Variants in ME3 observed in about 807,000 individuals in gnomAD.
The protein encoded by ME3 is malic enzyme 3.
ME3 carries 48 observed loss-of-function variants against 68.9 expected under a neutral mutation model. That is an observed-to-expected ratio of 0.70 (90% CI 0.55 to 0.89). The LOEUF (loss-of-function observed/expected upper bound fraction) is 0.89. ME3 is among the 40% of genes least tolerant of loss of function. ME3 has a pLI of 0.00. For synonymous variants in ME3, 320 were observed against 318.8 expected (o/e 1.00, Z -0.04); for missense variants, 675 against 797.4 (o/e 0.85, Z 1.85).
chr11:86,622,535 A>G (rs910853236), intron 2 of ME3, among the ~76,000 whole-genome samples: 2 of 152,002 alleles, frequency 1.3e-5, no homozygotes, highest in African/African-American at 4.8e-5. Flanking sequence ...TATTTTTATC[A>G]AGAGCTCAGA....
chr11:86,574,505 T>G lies in ME3; in HGVS notation c.184-14682A>C, dbSNP rs1313783652. ...TGAGGCCCCTCTTCTGCAGGTCTAC[T>G]GCAGTTTGCTGGAGATCCACTCCAA... On this transcript the variant is annotated intron_variant, in intron 2 of 14. Coordinates refer to ENST00000543262, the Ensembl canonical transcript of ME3. 5.3e-5 allele frequency among the ~76,000 whole-genome samples: 8 copies of G among 152,080 alleles called. No homozygotes were observed. In the South Asian group the frequency reaches 1.3e-3, roughly 24 times the overall value.
At chr11:86,570,721 T>C (rs1043109232) in intron 2 of ME3, among the ~76,000 whole-genome samples, 8 of 152,314 alleles carry the variant, frequency 5.3e-5, no homozygotes, top group Non-Finnish European at 1.2e-4. Flanking sequence ...ATCTCAAAGA[T>C]TGGGCTCTGG....
chr11:86,610,044 G>C (rs184581278), intron 2 of ME3, among the ~76,000 whole-genome samples: 16 of 152,260 alleles, frequency 1.1e-4, no homozygotes, highest in Non-Finnish European at 1.3e-4. Context: ...GTTGAGGAAG[G>C]CTACATACAT....
chr11:86,667,161 C>G lies in ME3; in HGVS notation c.183+4601G>C, dbSNP rs190461001. Among the ~76,000 whole-genome samples, 4 of 152,326 alleles carry G rather than the reference C, an allele frequency of 2.6e-5. No individual in the cohort carries two copies. The East Asian group carries it at 7.7e-4, about 29-fold the overall frequency. On this transcript the variant is annotated intron_variant, in intron 2 of 14. Coordinates refer to ENST00000543262, the Ensembl canonical transcript of ME3. ...CCTTGCAGTCTCTGAGGCCCCACTA[C>G]GTGAAATGTCCTGGTCCATAATCAC...
At chr11:86,624,757 A>C (rs759977065) in intron 2 of ME3, among the ~76,000 whole-genome samples, 21 of 152,210 alleles carry the variant, frequency 1.4e-4, no homozygotes, top group Non-Finnish European at 2.8e-4. Flanking sequence ...GATTCCTCCA[A>C]ACTTCTCCTC....
chr11:86,660,917 G>A (rs1166308533), intron 2 of ME3, among the ~76,000 whole-genome samples: 1 of 152,158 alleles, frequency 6.6e-6, no homozygotes, highest in Admixed American at 6.5e-5. Context: ...CAGTCCCCAT[G>A]GAGTGATCTA....
chr11:86,636,976 A>G (rs974734537), intron 2 of ME3, among the ~76,000 whole-genome samples: 6 of 152,222 alleles, frequency 3.9e-5, no homozygotes, highest in African/African-American at 1.4e-4. Context: ...GAAAGTGAGA[A>G]GCCAAAGATC....
chr11:86,555,025 C>A (rs1956860823), intron 4 of ME3, among the ~76,000 whole-genome samples: 1 of 152,142 alleles, frequency 6.6e-6, no homozygotes, highest in South Asian at 2.1e-4. Context: ...GAGAAGTTGA[C>A]CCTTGGGGTG....
At chr11:86,556,436 G>T in intron 4 of ME3, 117 bp downstream of exon 4, 1 of 1,236,530 alleles carries the variant, frequency 8.1e-7, no homozygotes, top group Non-Finnish European at 1.1e-6. Flanking sequence ...CTTTTTGTTG[G>T]ACCACTGACC....
chr11:86,544,177 G>A (rs1190415412), intron 4 of ME3, among the ~76,000 whole-genome samples: 1 of 152,178 alleles, frequency 6.6e-6, no homozygotes, highest in African/African-American at 2.4e-5. Context: ...GAAACTTATA[G>A]AACTAAATGC....
At chr11:86,538,439 A>C (rs1175851337) in intron 4 of ME3, among the ~76,000 whole-genome samples, 2 of 152,190 alleles carry the variant, frequency 1.3e-5, no homozygotes, top group South Asian at 2.1e-4. Context: ...GCCACTCAGT[A>C]AAAGTAGGTG....
intron 7 of ME3, among the ~76,000 whole-genome samples, chr11:86,470,756 CCAGGATTACTG>C (rs1162905507): frequency 6.6e-6 from 1 of 152,134 alleles, no homozygotes; most frequent in Non-Finnish European, 1.5e-5. Flanking sequence ...CCATCTCTCC[CCAGGATTACTG>C]CCATTGCTGC....
At chr11:86,586,133 A>C (rs2139639510) in intron 2 of ME3, among the ~76,000 whole-genome samples, 1 of 152,310 alleles carries the variant, frequency 6.6e-6, no homozygotes, top group Admixed American at 6.5e-5. Flanking sequence ...GGGGTGGTTT[A>C]AGGTGGAGAT....
At chr11:86,655,427 C>A (rs946957218) in intron 2 of ME3, among the ~76,000 whole-genome samples, 2 of 152,020 alleles carry the variant, frequency 1.3e-5, no homozygotes, top group Non-Finnish European at 2.9e-5. Flanking sequence ...AGAACAGAGC[C>A]CTCAGAAATA....
intron 6 of ME3, among the ~76,000 whole-genome samples, chr11:86,491,721 T>A (rs1442833578): frequency 1.3e-5 from 2 of 152,230 alleles, no homozygotes; most frequent in Non-Finnish European, 2.9e-5. Context: ...TTCATAGGTG[T>A]TTAGAGGAGA....
intron 2 of ME3, among the ~76,000 whole-genome samples, chr11:86,657,417 A>G (rs913934059): frequency 7.1e-6 from 1 of 141,380 alleles, no homozygotes; most frequent in South Asian, 2.5e-4. Context: ...GAGTTGAACA[A>G]TGAGAACACA....
intron 2 of ME3, among the ~76,000 whole-genome samples, chr11:86,609,112 A>G (rs544226066): frequency 1.3e-5 from 2 of 152,346 alleles, no homozygotes; most frequent in South Asian, 4.1e-4. Flanking sequence ...AATCCTTCAT[A>G]CAAGGTCATG....
chr11:86,547,095 G>T (rs375596568), intron 4 of ME3, among the ~76,000 whole-genome samples: 1 of 151,850 alleles, frequency 6.6e-6, no homozygotes, highest in African/African-American at 2.4e-5. Flanking sequence ...AAAATTAGCC[G>T]GGTATGGTGG....
chr11:86,478,316 C>A (rs1951196880), intron 7 of ME3, among the ~76,000 whole-genome samples: 1 of 105,008 alleles, frequency 9.5e-6, no homozygotes, highest in African/African-American at 4.0e-5. Flanking sequence ...CAATGAAAGC[C>A]TAAGGACCAA....
Sources: allele counts gnomAD v4.1 joint callset (sites outside exome capture counted in the v4.1 genomes callset), GRCh38; gene constraint gnomAD v4.1.1; transcripts MANE v1.5; gene names NCBI Gene and HGNC (gene_info 2026-07-23, HGNC 2026-07-21).